The following COL6A6 variants were observed in gnomAD, a reference collection of about 807,000 sequenced individuals.
COL6A6 encodes collagen type VI alpha 6 chain.
In COL6A6, 183 loss-of-function variants were observed where a neutral mutation model predicts 208.6. The observed-to-expected ratio is 0.88, with a 90% CI of 0.78 to 0.99. The LOEUF (loss-of-function observed/expected upper bound fraction) is 0.99. Among genes scored for constraint, COL6A6 ranks in the 50% least tolerant of loss-of-function variants. The probability of loss-of-function intolerance (pLI) is 0.00; values close to 1 mark genes in which losing one functional copy is unlikely to be tolerated. For missense variants in COL6A6, 2,816 were observed against 2,815.2 expected, an observed-to-expected ratio of 1.00 and a Z score of -0.01; for synonymous variants, 973 against 1,011.8, an observed-to-expected ratio of 0.96 and a Z score of 0.73.
intron 26 of COL6A6, among the ~76,000 whole-genome samples, chr3:130,634,242 TAAAAAA>T (rs202193097): frequency 2.9e-4 from 7 of 23,794 alleles, no homozygotes; most frequent in South Asian, 1.7e-3. Context: ...AATAAATAAA[TAAAAAA>T]AAAAAAAAAA....
At chr3:130,623,131 A>G (rs1342264464) in intron 24 of COL6A6, among the ~76,000 whole-genome samples, 1 of 152,128 alleles carries the variant, frequency 6.6e-6, no homozygotes. Flanking sequence ...AGACTTTTGG[A>G]AGATTTTAAA....
At chr3:130,628,144 A>G (rs937161145) in intron 26 of COL6A6, among the ~76,000 whole-genome samples, 3 of 152,206 alleles carry the variant, frequency 2.0e-5, no homozygotes, top group African/African-American at 7.2e-5. Context: ...CATCTGGAAG[A>G]ATAAAGGACC....
At chr3:130,531,901 A>G (rs2062105682) in intron 1 of COL6A6, among the ~76,000 whole-genome samples, 1 of 152,222 alleles carries the variant, frequency 6.6e-6, no homozygotes, top group Admixed American at 6.5e-5. Flanking sequence ...AAAATACTGT[A>G]TATGTGTTTT....
intron 21 of COL6A6, 73 bp downstream of exon 21, chr3:130,607,039 G>A (rs1398631882): frequency 8.1e-7 from 1 of 1,240,002 alleles, no homozygotes; most frequent in East Asian, 2.4e-5. Context: ...TAAAGTCTCT[G>A]TAAAGTCTCT....
At chr3:130,546,228 G>GT (rs2062492500) in intron 1 of COL6A6, among the ~76,000 whole-genome samples, 1 of 152,128 alleles carries the variant, frequency 6.6e-6, no homozygotes, top group South Asian at 2.1e-4. Context: ...TGTGTTTGGA[G>GT]TTTTTTCCTT....
chr3:130,547,432 C>T (rs2062539514), intron 1 of COL6A6, among the ~76,000 whole-genome samples: 1 of 152,248 alleles, frequency 6.6e-6, no homozygotes, highest in Non-Finnish European at 1.5e-5. Context: ...TTGGTTCTGG[C>T]CTGTGCCTCT....
intron 28 of COL6A6, 138 bp downstream of exon 28, chr3:130,635,899 G>A (rs2065098568): frequency 1.6e-6 from 1 of 644,274 alleles, no homozygotes; most frequent in East Asian, 2.8e-5. Flanking sequence ...GCAAACTTGG[G>A]GAAGGGGAAT....
At position 130,676,743 on chromosome 3, in the gene COL6A6, A is replaced by T. The variant is rs2066368110; in HGVS notation, c.*1346A>T. On this transcript the variant is annotated 3_prime_UTR_variant, in exon 37 of 37. Coordinates refer to ENST00000358511, the MANE Select transcript of COL6A6 (RefSeq NM_001102608.3). ...TAGAGAAATCCAGTGATAGCACCTC[A>T]TGTCTTCAGAGGAGCAAGAAGTTCA... is the stretch of plus-strand genomic sequence containing the variant. 1 of 152,236 alleles carries T rather than the reference A, an allele frequency of 6.6e-6. No homozygotes were observed. The highest frequency in any genetic ancestry group is 1.5e-5 in the Non-Finnish European group (1 of 68,042). The allele number at this position is 152,236 out of a possible 1,614,324, so 9.4% of individuals were successfully genotyped here.
intron 34 of COL6A6, among the ~76,000 whole-genome samples, chr3:130,659,118 A>C (rs1204889616): frequency 6.6e-6 from 1 of 152,252 alleles, no homozygotes; most frequent in East Asian, 1.9e-4. Context: ...TCAAATGTTC[A>C]CAGCCACAAA....
chr3:130,568,457 A>T lies in COL6A6; in HGVS notation c.2254A>T (p.Ile752Phe). ...AVVLRQEGVI[I>F]YSVGVFGSNV... ...AGTGCTTCGGCAAGAAGGTGTAATC[A>T]TCTATTCTGTGGGAGTGTTTGGCTC... The change falls in exon 6 of 37, where the codon ATC becomes TTC. Residue 752 changes from isoleucine to phenylalanine, a missense_variant. Coordinates refer to ENST00000358511, the MANE Select transcript of COL6A6 (RefSeq NM_001102608.3). 1 of 1,613,918 alleles carries T rather than the reference A, an allele frequency of 6.2e-7. No homozygotes were observed. Among genetic ancestry groups the T allele is most frequent in the Non-Finnish European group, 8.5e-7 (1 of 1,179,860 alleles).
intron 18 of COL6A6, among the ~76,000 whole-genome samples, chr3:130,596,824 TA>T (rs1291746062): frequency 6.6e-6 from 1 of 152,148 alleles, no homozygotes; most frequent in Non-Finnish European, 1.5e-5. Context: ...ATAAAATTTT[TA>T]AAAAAAGAAA....
chr3:130,527,727 T>G (rs1326657247), intron 1 of COL6A6, among the ~76,000 whole-genome samples: 1 of 152,190 alleles, frequency 6.6e-6, no homozygotes, highest in Non-Finnish European at 1.5e-5. Flanking sequence ...CTTCATAGTT[T>G]CAGTATGATT....
chr3:130,635,731 G>T lies in COL6A6; in HGVS notation c.5061G>T (p.Glu1687Asp). ...GEIGDPGGPG[E>D]TGLKGARGKM... ...TTGGGGACCCTGGTGGTCCAGGAGA[G>T]ACTGGGCTGAAGGGAGCTAGAGGCA... is the stretch of plus-strand genomic sequence containing the variant. The change falls in exon 28 of 37, where the codon GAG becomes GAT. Residue 1687 changes from glutamate to aspartate, a missense_variant. Coordinates refer to ENST00000358511, the MANE Select transcript of COL6A6 (RefSeq NM_001102608.3). 1 of 1,612,760 alleles carries T rather than the reference G, an allele frequency of 6.2e-7. No individual in the cohort carries two copies. The highest frequency in any genetic ancestry group is 1.1e-5 in the South Asian group (1 of 90,936).
At chr3:130,569,795 C>G (rs1268506320) in intron 6 of COL6A6, among the ~76,000 whole-genome samples, 1 of 152,170 alleles carries the variant, frequency 6.6e-6, no homozygotes, top group Non-Finnish European at 1.5e-5. Flanking sequence ...GTACAGCCAG[C>G]CTTTCTTGGG....
intron 24 of COL6A6, among the ~76,000 whole-genome samples, chr3:130,623,097 T>G (rs1395957968): frequency 1.3e-5 from 2 of 152,104 alleles, no homozygotes; most frequent in African/African-American, 4.8e-5. Flanking sequence ...CTAAAACTTT[T>G]GAATGGAGTG....
intron 20 of COL6A6, among the ~76,000 whole-genome samples, chr3:130,606,558 G>C (rs1436263524): frequency 6.6e-6 from 1 of 152,108 alleles, no homozygotes; most frequent in East Asian, 1.9e-4. Context: ...TGGATTCCTT[G>C]GTAGTGCTTA....
At chr3:130,584,333 G>T (rs2063488036) in intron 10 of COL6A6, among the ~76,000 whole-genome samples, 1 of 152,150 alleles carries the variant, frequency 6.6e-6, no homozygotes, top group Non-Finnish European at 1.5e-5. Flanking sequence ...ATGACAGAAG[G>T]TTTCATTTCT....
chr3:130,574,339 G>A lies in COL6A6; in HGVS notation c.3361G>A (p.Ala1121Thr), dbSNP rs2063242876. The change falls in exon 8 of 37, where the codon GCC becomes ACC. Residue 1121 changes from alanine (A) to threonine (T), a missense_variant. Physicochemically the swap from Ala to Thr is moderately conservative, Grantham distance 58 (BLOSUM62 0). Transcript: ENST00000358511. Reference sequence around the variant, plus strand: ...CCAGTCCCAAGACGAGGTGGCCCAGGCCGCGGAAGCCCTGAGACACAGAGG... The same window carrying A: ...CCAGTCCCAAGACGAGGTGGCCCAGACCGCGGAAGCCCTGAGACACAGAGG... ...DGQSQDEVAQ[A>T]AEALRHRGID... The A allele has an allele frequency of 2.5e-6, 4 of 1,614,036 alleles. No homozygotes were observed. The highest frequency in any genetic ancestry group is 1.1e-5 in the South Asian group (1 of 91,076).
chr3:130,568,595 C>T lies in COL6A6; in HGVS notation c.2392C>T (p.Pro798Ser), dbSNP rs201087058. 4 of 1,597,046 alleles carry T rather than the reference C, an allele frequency of 2.5e-6. No individual in the cohort carries two copies. In the Admixed American group the frequency reaches 6.7e-5, roughly 27 times the overall value. ...EDDLVFGICS[P>S]REECKRIEVL... ...TGATCTTGTTTTTGGAATATGCAGC[C>T]CCCGTGAAGGTAGGCATGGGCATAC... is the stretch of plus-strand genomic sequence containing the variant. Residue 798 changes from proline to serine, a missense_variant, in exon 6 of 37, where the codon CCC (proline) becomes TCC (serine). Transcript: ENST00000358511.
Sources: gnomAD v4.1 joint callset for allele counts (sites outside exome capture counted in the v4.1 genomes callset) on GRCh38, gnomAD v4.1.1 for gene constraint, MANE v1.5 for transcripts, NCBI Gene and HGNC (gene_info 2026-07-23, HGNC 2026-07-21) for gene names.